Variants in NPSR1 observed in about 807,000 individuals in gnomAD.
The protein encoded by NPSR1 is neuropeptide S receptor 1.
NPSR1 carries 48 observed loss-of-function variants against 46.9 expected under a neutral mutation model. The observed-to-expected ratio is 1.02, with a 90% CI of 0.81 to 1.30. The LOEUF (loss-of-function observed/expected upper bound fraction) is 1.30. Ranked by LOEUF, NPSR1 falls within the 50% of genes most tolerant of loss-of-function variation. The pLI is 0.00. For synonymous variants in NPSR1, 176 were observed against 168.1 expected (o/e 1.05, Z -0.36); for missense variants, 450 against 449.5 (o/e 1.00, Z -0.01).
rs538630705 is a variant in NPSR1 at position 34,873,381 on chromosome 7, A to G, written c.1026-4695A>G. 1.2e-3 allele frequency among the ~76,000 whole-genome samples: 187 copies of G among 151,828 alleles called. 7 individuals are homozygous for G. The highest frequency in any genetic ancestry group is 4.1e-3 in the African/African-American group (169 of 41,136). ...CTCAGTACTAATTTTGTGTTATGCC[A>G]TTCTTACACTGCTATAAAAAAAAGT... On this transcript the variant is annotated intron_variant, in intron 8 of 8. Transcript: ENST00000359791.
intron 3 of NPSR1, among the ~76,000 whole-genome samples, chr7:34,794,735 AG>A (rs1788095686): frequency 1.3e-5 from 2 of 152,340 alleles, no homozygotes; most frequent in South Asian, 4.1e-4. Context: ...AAATATTGCA[AG>A]GAAAAAAACA....
chr7:34,795,650 A>G (rs1788139265), intron 3 of NPSR1, among the ~76,000 whole-genome samples: 2 of 152,180 alleles, frequency 1.3e-5, no homozygotes, highest in Admixed American at 6.6e-5. Flanking sequence ...AAACAATATT[A>G]TCTGCATTAG....
chr7:34,819,430 G>A (rs781225796), intron 4 of NPSR1, among the ~76,000 whole-genome samples: 2 of 152,220 alleles, frequency 1.3e-5, no homozygotes, highest in Non-Finnish European at 2.9e-5. Context: ...GTGCTGGAGA[G>A]GATGTGGAGA....
At chr7:34,849,490 G>C in intron 8 of NPSR1, 75 bp from the exon 9 acceptor site, 3 of 1,603,526 alleles carry the variant, frequency 1.9e-6, no homozygotes, top group Non-Finnish European at 2.6e-6. Flanking sequence ...CATAACTATT[G>C]TCTCTTAACA....
At chr7:34,664,960 T>C (rs1791663647) in intron 1 of NPSR1, among the ~76,000 whole-genome samples, 1 of 152,220 alleles carries the variant, frequency 6.6e-6, no homozygotes. Flanking sequence ...GTCAGCACTT[T>C]ACAGTTTGCA....
At chr7:34,835,504 C>T (rs1458774289) in intron 6 of NPSR1, among the ~76,000 whole-genome samples, 1 of 152,206 alleles carries the variant, frequency 6.6e-6, no homozygotes, top group Admixed American at 6.5e-5. Context: ...CTAAGCCCTC[C>T]TCTTTTCAGA....
chr7:34,727,814 C>T (rs1023129608), intron 2 of NPSR1, among the ~76,000 whole-genome samples: 1 of 152,140 alleles, frequency 6.6e-6, no homozygotes, highest in Non-Finnish European at 1.5e-5. Flanking sequence ...CATTAAAGTG[C>T]CCTTTCTTCC....
At chr7:34,663,713 C>G (rs1462637309) in intron 1 of NPSR1, among the ~76,000 whole-genome samples, 1 of 152,206 alleles carries the variant, frequency 6.6e-6, no homozygotes, top group South Asian at 2.1e-4. Flanking sequence ...CCTCAGCGAC[C>G]CCCCTGTCAT....
intron 4 of NPSR1, among the ~76,000 whole-genome samples, chr7:34,822,268 C>A (rs980310932): frequency 6.6e-5 from 10 of 152,048 alleles, no homozygotes; most frequent in African/African-American, 2.4e-4. Flanking sequence ...GGAGTTTATG[C>A]GGCTCAGCTG....
At chr7:34,853,200 G>A (rs1353626523), downstream of NPSR1, among the ~76,000 whole-genome samples, 5 of 152,132 alleles carry the variant, frequency 3.3e-5, no homozygotes, top group African/African-American at 9.7e-5. Context: ...CATTCACAGT[G>A]TCAATCAGAA....
intron 1 of NPSR1, among the ~76,000 whole-genome samples, chr7:34,677,218 A>G (rs10261743): frequency 6.6e-6 from 1 of 152,160 alleles, no homozygotes; most frequent in Non-Finnish European, 1.5e-5. Context: ...GAAGGCAGCC[A>G]TTTTCTGCCC....
chr7:34,775,834 A>C (rs1786931307), intron 2 of NPSR1, among the ~76,000 whole-genome samples: 1 of 152,030 alleles, frequency 6.6e-6, no homozygotes, highest in African/African-American at 2.4e-5. Context: ...TTGTTTATTT[A>C]AAGTTTATCT....
chr7:34,855,914 A>T (rs1592441), intron 8 of NPSR1, among the ~76,000 whole-genome samples: 41,800 of 152,066 alleles, frequency 0.27, 6,066 homozygotes, highest in Middle Eastern at 0.34. Flanking sequence ...AACAATATAT[A>T]AACTCAACAG....
At chr7:34,791,733 G>A (rs1047227592) in intron 3 of NPSR1, among the ~76,000 whole-genome samples, 10 of 151,970 alleles carry the variant, frequency 6.6e-5, no homozygotes, top group South Asian at 6.2e-4. Context: ...AAAAGTCCCA[G>A]AATTGCCAGT....
intron 1 of NPSR1, among the ~76,000 whole-genome samples, chr7:34,676,700 A>T (rs1450834331): frequency 6.6e-6 from 1 of 152,220 alleles, no homozygotes; most frequent in African/African-American, 2.4e-5. Context: ...CCAACGCCTT[A>T]CACTGTGTCT....
chr7:34,739,299 T>C (rs1394477641), intron 2 of NPSR1, among the ~76,000 whole-genome samples: 1 of 152,238 alleles, frequency 6.6e-6, no homozygotes, highest in African/African-American at 2.4e-5. Context: ...ATGTTTAACT[T>C]TTTAAGTAAA....
At chr7:34,747,234 C>A (rs1329557411) in intron 2 of NPSR1, among the ~76,000 whole-genome samples, 1 of 151,618 alleles carries the variant, frequency 6.6e-6, no homozygotes, top group Non-Finnish European at 1.5e-5. Flanking sequence ...GGTTGGAGAA[C>A]ATCACAAGCA....
At chr7:34,785,433 T>C (rs1470116563) in intron 3 of NPSR1, among the ~76,000 whole-genome samples, 2 of 149,274 alleles carry the variant, frequency 1.3e-5, no homozygotes, top group African/African-American at 2.5e-5. Flanking sequence ...CTAATGCTAA[T>C]TGATGAGTTA....
At chr7:34,834,264 C>T in intron 5 of NPSR1, 120 bp from the exon 6 acceptor site, 1 of 741,598 alleles carries the variant, frequency 1.3e-6, no homozygotes, top group Non-Finnish European at 2.4e-6. Context: ...AGGGGGCAGG[C>T]ATGGTTAAAA....
Sources: gnomAD v4.1 joint callset for allele counts (sites outside exome capture counted in the v4.1 genomes callset) on GRCh38, gnomAD v4.1.1 for gene constraint, MANE v1.5 for transcripts, NCBI Gene and HGNC (gene_info 2026-07-23, HGNC 2026-07-21) for gene names.